HORMAD2: variants seen among roughly 807,000 people sequenced by gnomAD.
HORMAD2 encodes the protein HORMA domain containing 2, also known as HORMA domain-containing protein 2.
In HORMAD2, 45 loss-of-function variants were observed where a neutral mutation model predicts 38.8. The ratio of observed to expected loss-of-function variants is 1.16; its 90% CI spans 0.91 to 1.49. The LOEUF (loss-of-function observed/expected upper bound fraction) is 1.49. Among genes scored for constraint, HORMAD2 ranks in the 40% most tolerant of loss-of-function variants. HORMAD2 has a pLI of 0.00. For synonymous variants in HORMAD2, 126 were observed against 122.8 expected (o/e 1.03, Z -0.17); for missense variants, 338 against 367.0 (o/e 0.92, Z 0.65).
At chr22:30,080,941 T>A (rs972992037) in intron 1 of HORMAD2, 1 of 152,276 alleles carries the variant, frequency 6.6e-6, no homozygotes, top group African/African-American at 2.4e-5. Flanking sequence ...GATCGATGCC[T>A]GGTACAGGCC....
chr22:30,080,847 G>C (rs2068458292), intron 1 of HORMAD2, among the ~76,000 whole-genome samples: 1 of 152,256 alleles, frequency 6.6e-6, no homozygotes, highest in East Asian at 1.9e-4. Flanking sequence ...GCCCGACATT[G>C]GAGGGGGCCG....
At position 30,093,812 on chromosome 22, in the gene HORMAD2, T is replaced by A. The variant is rs61403854; in HGVS notation, c.-37-104T>A. The A allele has an allele frequency of 4.3e-4, 238 of 558,862 alleles. 1 individual carries two copies. Among genetic ancestry groups the A allele is most frequent in the African/African-American group, 3.8e-3 (195 of 51,476 alleles). 34.6% of individuals were successfully genotyped at this position (558,862 alleles called of 1,614,324 possible). A position where few individuals can be genotyped will look rare whatever the true frequency, so the allele number is the denominator to read the frequency against. On this transcript the variant is annotated intron_variant, in intron 1 of 10. Transcript: ENST00000336726. ...TATACTTAACTGTCTTTGATTTTAATTTTTTGTTTGCTTTTAGACTTTTTC... is the reference window on the plus strand; with the variant it reads ...TATACTTAACTGTCTTTGATTTTAAATTTTTGTTTGCTTTTAGACTTTTTC...
At chr22:30,134,447 T>A (rs1472910461) in intron 10 of HORMAD2, among the ~76,000 whole-genome samples, 1 of 147,414 alleles carries the variant, frequency 6.8e-6, no homozygotes, top group Non-Finnish European at 1.5e-5. Flanking sequence ...TAATCATAAA[T>A]AAATATATTA....
chr22:30,126,562 T>C (rs1260820508), intron 10 of HORMAD2, among the ~76,000 whole-genome samples: 1 of 152,206 alleles, frequency 6.6e-6, no homozygotes, highest in Non-Finnish European at 1.5e-5. Flanking sequence ...ATTCATTCTA[T>C]TGTTAATGAC....
intron 8 of HORMAD2, 78 bp from the exon 9 acceptor site, chr22:30,121,554 A>T: frequency 9.1e-7 from 1 of 1,103,584 alleles, no homozygotes; most frequent in Non-Finnish European, 1.2e-6. Context: ...TTACTCACAT[A>T]GTCAAAAGTT....
intron 1 of HORMAD2, among the ~76,000 whole-genome samples, chr22:30,085,506 C>A (rs920643517): frequency 6.6e-6 from 1 of 152,184 alleles, no homozygotes; most frequent in Non-Finnish European, 1.5e-5. Flanking sequence ...GTAATCCCAG[C>A]ACTTTGGGAG....
At chr22:30,156,592 G>A (rs1328499345) in intron 10 of HORMAD2, among the ~76,000 whole-genome samples, 1 of 152,198 alleles carries the variant, frequency 6.6e-6, no homozygotes, top group African/African-American at 2.4e-5. Flanking sequence ...AGTTTCTGAT[G>A]CCTGACGCCC....
chr22:30,135,753 C>T (rs1264437449), intron 10 of HORMAD2, among the ~76,000 whole-genome samples: 2 of 152,178 alleles, frequency 1.3e-5, no homozygotes, highest in African/African-American at 2.4e-5. Flanking sequence ...CTAAACCAAA[C>T]TTTTAGTAAA....
At chr22:30,104,184 A>T (rs2146093780) in intron 4 of HORMAD2, among the ~76,000 whole-genome samples, 1 of 152,314 alleles carries the variant, frequency 6.6e-6, no homozygotes, top group Middle Eastern at 3.4e-3. Flanking sequence ...ATCCAAAAAA[A>T]TTTGGTTCAC....
chr22:30,150,747 C>A (rs1924698794), intron 10 of HORMAD2, among the ~76,000 whole-genome samples: 1 of 152,166 alleles, frequency 6.6e-6, no homozygotes, highest in African/African-American at 2.4e-5. Context: ...TGTTTTGGGG[C>A]CCAAATAGAG....
chr22:30,188,540 A>C, the HORMAD2 span, among the ~76,000 whole-genome samples: 2 of 152,238 alleles, frequency 1.3e-5, no homozygotes, highest in African/African-American at 4.8e-5. Flanking sequence ...TCTGGGAATT[A>C]CTTTTGTATG....
chr22:30,179,131 G>T (rs1415601409), downstream of HORMAD2, among the ~76,000 whole-genome samples: 1 of 152,030 alleles, frequency 6.6e-6, no homozygotes, highest in Non-Finnish European at 1.5e-5. Context: ...GTCAATTTAT[G>T]GTTTCAAACC....
chr22:30,111,763 A>G (rs377728573), intron 5 of HORMAD2, 33 bp from the exon 6 acceptor site: 13 of 1,482,282 alleles, frequency 8.8e-6, no homozygotes, highest in African/African-American at 2.8e-5. Flanking sequence ...GCAAGTATGT[A>G]ATAATAATAG....
At chr22:30,178,250 T>C (rs1488054741), downstream of HORMAD2, among the ~76,000 whole-genome samples, 1 of 152,366 alleles carries the variant, frequency 6.6e-6, no homozygotes. Context: ...ATCCTTTAAG[T>C]CAAAGTCTCA....
chr22:30,125,153 C>T (rs569642066), intron 10 of HORMAD2, among the ~76,000 whole-genome samples: 1 of 148,006 alleles, frequency 6.8e-6, no homozygotes, highest in East Asian at 2.0e-4. Context: ...TTCTTTTTCA[C>T]TCATTTATGT....
intron 10 of HORMAD2, chr22:30,137,075 G>T: frequency 2.6e-6 from 1 of 378,710 alleles, no homozygotes. Context: ...AATAATCATT[G>T]ATAGTCTTGA....
At chr22:30,078,639 T>TAAAAAAAAAAAA (rs2068417891), upstream of HORMAD2, among the ~76,000 whole-genome samples, 1 of 75,584 alleles carries the variant, frequency 1.3e-5, no homozygotes. Flanking sequence ...AAAAAAAAAT[T>TAAAAAAAAAAAA]AGATTGAGAG....
At chr22:30,175,984 G>A in intron 10 of HORMAD2, 79 bp from the exon 11 acceptor site, 1 of 918,908 alleles carries the variant, frequency 1.1e-6, no homozygotes, top group Non-Finnish European at 1.8e-6. Context: ...ATTAATGCTT[G>A]GTCTACCTGT....
At chr22:30,113,053 T>A (rs1278874126) in intron 7 of HORMAD2, among the ~76,000 whole-genome samples, 1 of 152,096 alleles carries the variant, frequency 6.6e-6, no homozygotes, top group African/African-American at 2.4e-5. Context: ...ATTTCTTCCC[T>A]CTGTTTAGGG....
Sources: gnomAD v4.1 joint callset for allele counts (sites outside exome capture counted in the v4.1 genomes callset) on GRCh38, gnomAD v4.1.1 for gene constraint, MANE v1.5 for transcripts, NCBI Gene and HGNC (gene_info 2026-07-23, HGNC 2026-07-21) for gene names.